Variants in PDE4D observed in about 807,000 individuals in gnomAD.
The protein encoded by PDE4D is 3',5'-cyclic-AMP phosphodiesterase 4D.
PDE4D carries 24 observed loss-of-function variants against 87.4 expected under a neutral mutation model. That is an observed-to-expected ratio of 0.27 (90% CI 0.20 to 0.39). The LOEUF (loss-of-function observed/expected upper bound fraction) is 0.39, where lower values mean the gene tolerates loss of function less well. Among genes scored for constraint, PDE4D ranks in the 10% least tolerant of loss-of-function variants. The pLI is 1.00. For synonymous variants in PDE4D, 384 were observed against 383.2 expected, an observed-to-expected ratio of 1.00 and a Z score of -0.02; for missense variants, 714 against 1,041.0, an observed-to-expected ratio of 0.69 and a Z score of 4.32.
rs1159772915 is a variant in PDE4D at position 60,230,256 on chromosome 5, A to ATTGATTT, written c.-89-44576_-89-44570dup. On this transcript the variant is annotated intron_variant, in intron 1 of 16. Transcript: ENST00000502484. ...TCTTTAAAAACATCTTGAGGGCTTT[A>ATTGATTT]TTGATTTTCAAATGAGTTTTTAATT... 9.2e-5 allele frequency among the ~76,000 whole-genome samples: 14 copies of ATTGATTT among 152,142 alleles called. No homozygotes were observed. The East Asian group carries it at 2.5e-3, about 27-fold the overall frequency.
At chr5:60,153,640 A>T (rs1781710695) in intron 2 of PDE4D, among the ~76,000 whole-genome samples, 1 of 152,214 alleles carries the variant, frequency 6.6e-6, no homozygotes, top group African/African-American at 2.4e-5. Flanking sequence ...TGATAGGTGA[A>T]TGGATAAAGA....
At chr5:60,066,357 T>C (rs1772092203) in intron 2 of PDE4D, among the ~76,000 whole-genome samples, 1 of 152,122 alleles carries the variant, frequency 6.6e-6, no homozygotes, top group African/African-American at 2.4e-5. Context: ...TATTTCCCTA[T>C]ACACAATATA....
At chr5:59,857,390 A>T (rs368732366) in intron 1 of PDE4D, among the ~76,000 whole-genome samples, 1 of 152,096 alleles carries the variant, frequency 6.6e-6, no homozygotes, top group East Asian at 1.9e-4. Flanking sequence ...GTCATTTTTT[A>T]TTCCTCTTTT....
intron 5 of PDE4D, among the ~76,000 whole-genome samples, chr5:59,040,442 A>G (rs867806620): frequency 7.2e-5 from 11 of 152,244 alleles, no homozygotes; most frequent in African/African-American, 2.7e-4. Context: ...TGTGAATTGC[A>G]TAAGACCTAG....
chr5:60,104,315 C>T (rs1487614089), intron 2 of PDE4D, among the ~76,000 whole-genome samples: 2 of 152,144 alleles, frequency 1.3e-5, no homozygotes, highest in East Asian at 3.9e-4. Flanking sequence ...GGGAGAGGCG[C>T]CCACCATTGC....
rs927341580 is a variant in PDE4D at position 59,370,536 on chromosome 5, A to G, written c.456-154568T>C. 5.3e-5 allele frequency among the ~76,000 whole-genome samples: 8 copies of G among 152,312 alleles called. No individual in the cohort carries two copies. In the East Asian group the frequency reaches 1.5e-3, roughly 29 times the overall value. On this transcript the variant is annotated intron_variant, in intron 1 of 14. Coordinates refer to ENST00000340635, the MANE Select transcript of PDE4D (RefSeq NM_001104631.2). ...GTCAGTTTAACAGACAGGGATACCT[A>G]TTCTGACTTTTTAATCTAAAATCAC...
At chr5:60,326,918 A>C (rs1282311258) in intron 1 of PDE4D, among the ~76,000 whole-genome samples, 1 of 152,176 alleles carries the variant, frequency 6.6e-6, no homozygotes, top group Non-Finnish European at 1.5e-5. Flanking sequence ...AGACACAGTA[A>C]AAAGTTCCCA....
At chr5:59,838,074 G>A (rs1306454361) in intron 1 of PDE4D, among the ~76,000 whole-genome samples, 2 of 151,980 alleles carry the variant, frequency 1.3e-5, no homozygotes, top group Non-Finnish European at 2.9e-5. Context: ...TCATAATCAA[G>A]CATTGTTTGA....
intron 5 of PDE4D, chr5:59,179,743 A>G (rs1741037409): frequency 2.6e-6 from 1 of 378,800 alleles, no homozygotes; most frequent in Non-Finnish European, 5.1e-6. Flanking sequence ...CTTGAATCCA[A>G]TGACGAATTG....
chr5:59,764,409 C>G (rs1290859788), intron 1 of PDE4D, among the ~76,000 whole-genome samples: 1 of 152,138 alleles, frequency 6.6e-6, no homozygotes, highest in East Asian at 1.9e-4. Flanking sequence ...GAAACTGAAG[C>G]ACACGTTAAG....
At chr5:59,782,599 T>G (rs1764743141) in intron 1 of PDE4D, among the ~76,000 whole-genome samples, 1 of 152,118 alleles carries the variant, frequency 6.6e-6, no homozygotes, top group Admixed American at 6.5e-5. Context: ...TTTTCTGGAG[T>G]TGCAAGACCA....
intron 1 of PDE4D, among the ~76,000 whole-genome samples, chr5:59,633,445 T>C (rs1163886066): frequency 6.6e-6 from 1 of 152,078 alleles, no homozygotes; most frequent in Admixed American, 6.5e-5. Context: ...GTGAGATTCA[T>C]CAAGGTTGAA....
chr5:59,389,858 G>A (rs1007858603), intron 1 of PDE4D, among the ~76,000 whole-genome samples: 3 of 152,218 alleles, frequency 2.0e-5, no homozygotes, highest in Non-Finnish European at 4.4e-5. Flanking sequence ...GAAGAGAGAG[G>A]TGGGATGAAA....
chr5:59,368,213 A>G (rs1783388084), intron 1 of PDE4D, among the ~76,000 whole-genome samples: 1 of 152,234 alleles, frequency 6.6e-6, no homozygotes, highest in African/African-American at 2.4e-5. Flanking sequence ...TACTTTAAAA[A>G]GAACTTCCTA....
chr5:60,447,625 T>C (rs976402141), intron 1 of PDE4D, among the ~76,000 whole-genome samples: 1 of 152,106 alleles, frequency 6.6e-6, no homozygotes, highest in African/African-American at 2.4e-5. Context: ...GTCACAGATC[T>C]GCAGAGGAAA....
intron 6 of PDE4D, among the ~76,000 whole-genome samples, chr5:59,023,814 A>C (rs1322756515): frequency 6.6e-6 from 1 of 152,094 alleles, no homozygotes; most frequent in South Asian, 2.1e-4. Flanking sequence ...TTGTAGTCAG[A>C]TTGTTCATAT....
chr5:59,351,911 A>G (rs982882527), intron 1 of PDE4D, among the ~76,000 whole-genome samples: 2 of 152,136 alleles, frequency 1.3e-5, no homozygotes, highest in African/African-American at 2.4e-5. Context: ...ACCTCTCATT[A>G]TGGAATTTTT....
intron 1 of PDE4D, among the ~76,000 whole-genome samples, chr5:60,426,083 G>A (rs1743686473): frequency 6.6e-6 from 1 of 152,190 alleles, no homozygotes; most frequent in Non-Finnish European, 1.5e-5. Context: ...TACACTTGGT[G>A]GGAGTGTAAA....
At chr5:59,900,263 T>TACACACAC (rs765524262) in intron 3 of PDE4D, among the ~76,000 whole-genome samples, 3 of 135,798 alleles carry the variant, frequency 2.2e-5, no homozygotes, top group African/African-American at 3.1e-5. Flanking sequence ...TATATATATA[T>TACACACAC]ACACACACAC....
Sources: allele counts gnomAD v4.1 joint callset (sites outside exome capture counted in the v4.1 genomes callset), GRCh38; gene constraint gnomAD v4.1.1; transcripts MANE v1.5; gene names NCBI Gene and HGNC (gene_info 2026-07-23, HGNC 2026-07-21).